The following GALNT18 variants were observed in gnomAD, a reference collection of about 807,000 sequenced individuals.
GALNT18 encodes GalNAc-transferase 18.
GALNT18 carries 44 observed loss-of-function variants against 69.5 expected under a neutral mutation model. The observed-to-expected ratio is 0.63, with a 90% CI of 0.50 to 0.81. The LOEUF (loss-of-function observed/expected upper bound fraction) is 0.81, where lower values mean the gene tolerates loss of function less well. Ranked by LOEUF, GALNT18 falls within the 40% of genes least tolerant of loss-of-function variation. The pLI, the probability that GALNT18 is intolerant of heterozygous loss-of-function variation, is 0.00. For synonymous variants in GALNT18, 364 were observed against 318.2 expected (o/e 1.14, Z -1.53); for missense variants, 715 against 810.0 (o/e 0.88, Z 1.42).
At chr11:11,410,711 T>A (rs533603345) in intron 3 of GALNT18, among the ~76,000 whole-genome samples, 1 of 152,300 alleles carries the variant, frequency 6.6e-6, no homozygotes, top group African/African-American at 2.4e-5. Flanking sequence ...GGGTCTGGAA[T>A]TTTAGTTGAA....
rs528127497 is a variant in GALNT18 at position 11,419,417 on chromosome 11, C to T, written c.595+13204G>A. ...TTCAAGACCAGCCTGGCCAACATGG[C>T]GAAACCTTGTCTCTACTAAAAATAC... On this transcript the variant is annotated intron_variant, in intron 3 of 10. Transcript: ENST00000227756. Among the ~76,000 whole-genome samples the T allele has an allele frequency of 1.1e-4, 16 of 151,458 alleles. No individual in the cohort carries two copies. The South Asian group carries it at 2.7e-3, about 26-fold the overall frequency.
chr11:11,347,092 G>A lies in GALNT18; in HGVS notation c.1093-6088C>T, dbSNP rs909011617. On this transcript the variant is annotated intron_variant, in intron 6 of 10. Coordinates refer to ENST00000227756, the MANE Select transcript of GALNT18 (RefSeq NM_198516.3). This position sits in a 1 kb window ranked among gnomAD's most constrained non-coding sequence, Gnocchi z 4.0. Reference sequence around the variant, plus strand: ...TGGTACAAGGTCAGGGTTACATCTTGTATTGGCCACTCACACAAACAAGCC... The same window carrying A: ...TGGTACAAGGTCAGGGTTACATCTTATATTGGCCACTCACACAAACAAGCC... 6.6e-6 allele frequency among the ~76,000 whole-genome samples: 1 copy of A among 152,154 alleles called. No individual in the cohort carries two copies. Among genetic ancestry groups the A allele is most frequent in the Non-Finnish European group, 1.5e-5 (1 of 68,028 alleles).
intron 8 of GALNT18, among the ~76,000 whole-genome samples, chr11:11,331,797 T>C (rs1027107737): frequency 1.3e-5 from 2 of 152,142 alleles, no homozygotes; most frequent in Admixed American, 6.5e-5. Flanking sequence ...GGGTTTGTCA[T>C]GGCAAAAGTT....
chr11:11,586,690 T>G lies in GALNT18; in HGVS notation c.235+34669A>C, dbSNP rs1859234543. Among the ~76,000 whole-genome samples the G allele has an allele frequency of 6.6e-6, 1 of 152,162 alleles. No individual in the cohort carries two copies. On this transcript the variant is annotated intron_variant, in intron 1 of 10. Transcript: ENST00000227756. This position sits in a 1 kb window ranked among gnomAD's most constrained non-coding sequence, Gnocchi z 4.1. The stretch of plus-strand genomic sequence containing the variant: ...CATATCAGTTCTTAAAATACTGAAA[T>G]AGGCCGGGCTTGGTAGCTCATGCCT...
chr11:11,456,992 A>G (rs1270210441), intron 1 of GALNT18, among the ~76,000 whole-genome samples: 1 of 152,248 alleles, frequency 6.6e-6, no homozygotes, highest in Admixed American at 6.5e-5. Flanking sequence ...TGAGCAATGA[A>G]TGCAACAAAA....
rs540343610 is a variant in GALNT18 at position 11,542,838 on chromosome 11, TTTTGC to T, written c.235+78516_235+78520del. On this transcript the variant is annotated intron_variant, in intron 1 of 10. Transcript: ENST00000227756. This position sits in a 1 kb window ranked among gnomAD's most constrained non-coding sequence, Gnocchi z 4.3. ...ACTTTGGTGCTAAGGTTTTGTTTTG[TTTTGC>T]TTTGCTTTGCTTTGCTTTCTGAGAC... is the stretch of plus-strand genomic sequence containing the variant. Among the ~76,000 whole-genome samples, 2 of 152,240 alleles carry T rather than the reference TTTTGC, an allele frequency of 1.3e-5. No homozygotes were observed. The highest frequency in any genetic ancestry group is 4.8e-5 in the African/African-American group (2 of 41,448).
At chr11:11,520,837 C>A (rs4631872) in intron 1 of GALNT18, among the ~76,000 whole-genome samples, 1 of 152,056 alleles carries the variant, frequency 6.6e-6, no homozygotes, top group Non-Finnish European at 1.5e-5. Flanking sequence ...CAAGGCAGTC[C>A]CCTCAGCAGG....
Position 11,587,609 on chromosome 11 carries a change from T to C in GALNT18, c.235+33750A>G, listed in dbSNP as rs1276735738. 6.6e-6 allele frequency among the ~76,000 whole-genome samples: 1 copy of C among 152,192 alleles called. No individual in the cohort carries two copies. The highest frequency in any genetic ancestry group is 1.5e-5 in the Non-Finnish European group (1 of 68,022). On this transcript the variant is annotated intron_variant, in intron 1 of 10. Coordinates refer to ENST00000227756, the MANE Select transcript of GALNT18 (RefSeq NM_198516.3). The surrounding 1 kb of genome is among the most constrained non-coding windows in gnomAD (Gnocchi z 4.4). ...CAACAGAAAAGCTGAAGTTGATGTT[T>C]TACATGGAATGCCCTCACCAATGCT...
chr11:11,549,125 T>A (rs1858131480), intron 1 of GALNT18, among the ~76,000 whole-genome samples: 1 of 152,180 alleles, frequency 6.6e-6, no homozygotes, highest in Admixed American at 6.5e-5. Context: ...TGCTTCTCCA[T>A]CCTCCTTCCT....
intron 3 of GALNT18, among the ~76,000 whole-genome samples, chr11:11,431,928 T>C (rs543660171): frequency 2.6e-5 from 4 of 152,230 alleles, no homozygotes; most frequent in African/African-American, 9.7e-5. Flanking sequence ...TGGAATGGTA[T>C]ATGATGGCAT....
intron 1 of GALNT18, among the ~76,000 whole-genome samples, chr11:11,506,736 G>A (rs1260954354): frequency 2.6e-5 from 4 of 152,210 alleles, no homozygotes; most frequent in African/African-American, 9.6e-5. Context: ...TCCAGATACT[G>A]AGGGGACAAA....
chr11:11,590,623 C>T lies in GALNT18; in HGVS notation c.235+30736G>A, dbSNP rs927856197. 6.6e-6 allele frequency among the ~76,000 whole-genome samples: 1 copy of T among 152,170 alleles called. No homozygotes were observed. The highest frequency in any genetic ancestry group is 1.5e-5 in the Non-Finnish European group (1 of 68,024). On this transcript the variant is annotated intron_variant, in intron 1 of 10. Coordinates refer to ENST00000227756, the MANE Select transcript of GALNT18 (RefSeq NM_198516.3). This position sits in a 1 kb window ranked among gnomAD's most constrained non-coding sequence, Gnocchi z 4.4. Reference sequence around the variant, plus strand: ...TAAAATGAGCATGTTACTGTCTGCTCAACAAGGATGCTGTGAAGATTGACT... The same window carrying T: ...TAAAATGAGCATGTTACTGTCTGCTTAACAAGGATGCTGTGAAGATTGACT...
Position 11,532,486 on chromosome 11 carries a change from A to G in GALNT18, c.236-83550T>C, listed in dbSNP as rs191995646. On this transcript the variant is annotated intron_variant, in intron 1 of 10. Coordinates refer to ENST00000227756, the MANE Select transcript of GALNT18 (RefSeq NM_198516.3). ...TGCTATTTCTCAGTCTCCCTTACCC[A>G]GAACATAGTCATGGCCACACGGTGG... Among the ~76,000 whole-genome samples the G allele has an allele frequency of 7.8e-3, 1,186 of 152,336 alleles. 6 individuals are homozygous for G. The highest frequency in any genetic ancestry group is 0.013 in the Non-Finnish European group (906 of 68,028).
chr11:11,350,058 C>T (rs1850371955), intron 6 of GALNT18, among the ~76,000 whole-genome samples: 2 of 152,218 alleles, frequency 1.3e-5, no homozygotes, highest in African/African-American at 2.4e-5. Context: ...CTATCAGAGG[C>T]AGCAGGATTC....
At chr11:11,558,221 T>C (rs1858380691) in intron 1 of GALNT18, among the ~76,000 whole-genome samples, 1 of 152,248 alleles carries the variant, frequency 6.6e-6, no homozygotes, top group Non-Finnish European at 1.5e-5. Context: ...AATCTTATGA[T>C]CAAGGTGTAC....
intron 1 of GALNT18, among the ~76,000 whole-genome samples, chr11:11,570,495 C>T (rs1024314461): frequency 2.0e-5 from 3 of 152,236 alleles, no homozygotes; most frequent in Non-Finnish European, 4.4e-5. Context: ...CTTGAACACA[C>T]CATAACATAC....
intron 1 of GALNT18, among the ~76,000 whole-genome samples, chr11:11,597,806 G>T (rs1258547658): frequency 4.6e-5 from 7 of 151,748 alleles, no homozygotes; most frequent in African/African-American, 7.3e-5. Flanking sequence ...GACTACAGGC[G>T]CCTGCCACCA....
At chr11:11,390,625 C>T (rs1422636758) in intron 3 of GALNT18, among the ~76,000 whole-genome samples, 9 of 152,192 alleles carry the variant, frequency 5.9e-5, no homozygotes, top group Non-Finnish European at 1.0e-4. Flanking sequence ...GAGGGCTTCA[C>T]ACATGTACTT....
chr11:11,506,818 G>A (rs1478320014), intron 1 of GALNT18, among the ~76,000 whole-genome samples: 3 of 152,182 alleles, frequency 2.0e-5, no homozygotes, highest in African/African-American at 7.2e-5. Flanking sequence ...CCTGGAAAAT[G>A]TGCAGCTGCT....
Sources: gnomAD v4.1 joint callset for allele counts (sites outside exome capture counted in the v4.1 genomes callset) on GRCh38, gnomAD v4.1.1 for gene constraint, Gnocchi (gnomAD v3.1) non-coding constraint, MANE v1.5 for transcripts, NCBI Gene and HGNC (gene_info 2026-07-23, HGNC 2026-07-21) for gene names.